EYS: variants seen among roughly 807,000 people sequenced by gnomAD.
EYS encodes the protein protein eyes shut homolog.
Under a neutral mutation model 282.1 loss-of-function variants are expected in EYS, and 250 were observed. The ratio of observed to expected loss-of-function variants is 0.89; its 90% confidence interval spans 0.80 to 0.98. The LOEUF is 0.98. Among genes scored for constraint, EYS ranks in the 50% least tolerant of loss-of-function variants. The probability of loss-of-function intolerance (pLI) is 0.00; values close to 1 mark genes in which losing one functional copy is unlikely to be tolerated. For missense variants in EYS, 4,016 were observed against 3,709.0 expected, an observed-to-expected ratio of 1.08 and a Z score of -2.15; for synonymous variants, 1,355 against 1,282.9, an observed-to-expected ratio of 1.06 and a Z score of -1.20.
At chr6:65,408,565 T>C (rs561735409) in intron 5 of EYS, among the ~76,000 whole-genome samples, 36 of 152,298 alleles carry the variant, frequency 2.4e-4, no homozygotes, top group Non-Finnish European at 4.9e-4. Flanking sequence ...CGGTCATTAA[T>C]GAGTCCTCAC....
intron 2 of EYS, among the ~76,000 whole-genome samples, chr6:65,526,792 C>G (rs566979786): frequency 6.6e-6 from 1 of 151,220 alleles, no homozygotes; most frequent in South Asian, 2.1e-4. Context: ...GGCGACAGAG[C>G]AAGACTCTGT....
chr6:64,661,966 A>C (rs1470190644), intron 22 of EYS, among the ~76,000 whole-genome samples: 1 of 151,692 alleles, frequency 6.6e-6, no homozygotes, highest in Non-Finnish European at 1.5e-5. Flanking sequence ...CACAATAGCA[A>C]AGACTTGGAA....
chr6:65,178,334 G>T (rs925021908), intron 12 of EYS, among the ~76,000 whole-genome samples: 1 of 151,862 alleles, frequency 6.6e-6, no homozygotes, highest in African/African-American at 2.4e-5. Context: ...ACTGTCTTGG[G>T]TAAATTCCTT....
At chr6:63,792,824 C>T (rs1419601431) in intron 37 of EYS, among the ~76,000 whole-genome samples, 2 of 152,032 alleles carry the variant, frequency 1.3e-5, no homozygotes, top group Admixed American at 1.3e-4. Flanking sequence ...TGGTTTAATG[C>T]TCTGTGTCAC....
chr6:63,967,527 A>G (rs922038500), intron 35 of EYS, among the ~76,000 whole-genome samples: 19 of 152,156 alleles, frequency 1.2e-4, no homozygotes, highest in African/African-American at 3.6e-4. Flanking sequence ...AGAGGAATTT[A>G]CTTCTCTCTG....
chr6:64,409,183 A>C (rs1376489551), intron 28 of EYS, among the ~76,000 whole-genome samples: 1 of 152,078 alleles, frequency 6.6e-6, no homozygotes, highest in African/African-American at 2.4e-5. Flanking sequence ...CACTTTCTTT[A>C]TCCAGTCCAC....
intron 35 of EYS, among the ~76,000 whole-genome samples, chr6:63,966,933 A>G (rs980429213): frequency 1.3e-5 from 2 of 152,198 alleles, no homozygotes; most frequent in Non-Finnish European, 2.9e-5. Flanking sequence ...GAGACTGTAG[A>G]CAGTACTAGG....
At chr6:65,574,494 T>C (rs1358493221) in intron 2 of EYS, among the ~76,000 whole-genome samples, 1 of 152,106 alleles carries the variant, frequency 6.6e-6, no homozygotes, top group African/African-American at 2.4e-5. Context: ...GTGTATCAGG[T>C]AAAATAAACT....
At chr6:64,382,911 G>C (rs568908276) in intron 29 of EYS, among the ~76,000 whole-genome samples, 13 of 152,100 alleles carry the variant, frequency 8.5e-5, no homozygotes, top group Non-Finnish European at 1.9e-4. Context: ...GGGAAAAGAG[G>C]TTTCCTTCTG....
rs533885457 is a variant in EYS at position 64,452,955 on chromosome 6, A to G, written c.5645-13603T>C. ...ATTCAGGACATAGGCATGGGCAAGG[A>G]CTTCATGTCTAAAACACCAAAAGCA... On this transcript the variant is annotated intron_variant, in intron 26 of 42. Coordinates refer to ENST00000503581, the MANE Select transcript of EYS (RefSeq NM_001142800.2). Among the ~76,000 whole-genome samples the G allele has an allele frequency of 2.6e-5, 4 of 152,358 alleles. No homozygotes were observed. The South Asian group carries it at 8.3e-4, about 32-fold the overall frequency.
At chr6:65,150,980 CTT>C (rs1244949992) in intron 12 of EYS, among the ~76,000 whole-genome samples, 2 of 151,930 alleles carry the variant, frequency 1.3e-5, no homozygotes, top group African/African-American at 4.8e-5. Flanking sequence ...CTAAGTGAAA[CTT>C]TGGCAGTATT....
intron 9 of EYS, among the ~76,000 whole-genome samples, chr6:65,348,795 A>G (rs1456092838): frequency 6.6e-6 from 1 of 151,688 alleles, no homozygotes; most frequent in East Asian, 1.9e-4. Flanking sequence ...GCCCAGTCCA[A>G]TATGCTGGAT....
intron 2 of EYS, among the ~76,000 whole-genome samples, chr6:65,500,976 A>C (rs1554203475): frequency 6.6e-6 from 1 of 151,982 alleles, no homozygotes; most frequent in Non-Finnish European, 1.5e-5. Context: ...CAAATGTATA[A>C]TTTTATAATG....
intron 2 of EYS, among the ~76,000 whole-genome samples, chr6:65,576,469 A>G (rs1764672072): frequency 1.3e-5 from 2 of 152,126 alleles, no homozygotes; most frequent in South Asian, 4.1e-4. Context: ...CATAGCTAAC[A>G]TTATACTAAA....
intron 8 of EYS, among the ~76,000 whole-genome samples, chr6:65,382,770 A>G (rs1210260529): frequency 1.3e-5 from 2 of 151,892 alleles, no homozygotes; most frequent in Non-Finnish European, 2.9e-5. Flanking sequence ...TGTCTAGCCT[A>G]TTTATGTTTT....
At chr6:63,877,644 T>C (rs1173383690) in intron 35 of EYS, among the ~76,000 whole-genome samples, 1 of 152,084 alleles carries the variant, frequency 6.6e-6, no homozygotes, top group East Asian at 1.9e-4. Context: ...CATAGCCCCA[T>C]ATTTCTTGGA....
At chr6:65,199,071 C>T (rs749608645) in intron 12 of EYS, among the ~76,000 whole-genome samples, 1 of 151,992 alleles carries the variant, frequency 6.6e-6, no homozygotes, top group African/African-American at 2.4e-5. Flanking sequence ...CCAGTAGTCC[C>T]GTCAAGTAAA....
At chr6:64,825,716 C>T (rs1251181846) in intron 19 of EYS, among the ~76,000 whole-genome samples, 1 of 151,698 alleles carries the variant, frequency 6.6e-6, no homozygotes, top group Non-Finnish European at 1.5e-5. Context: ...TCTGCTTTTT[C>T]CCACCTTCAA....
intron 2 of EYS, among the ~76,000 whole-genome samples, chr6:65,612,879 T>TA (rs1195216060): frequency 6.6e-6 from 1 of 151,844 alleles, no homozygotes; most frequent in Non-Finnish European, 1.5e-5. Flanking sequence ...TTGTTTTTTT[T>TA]ACTTATTTTA....
Sources: allele counts gnomAD v4.1 joint callset (sites outside exome capture counted in the v4.1 genomes callset), GRCh38; gene constraint gnomAD v4.1.1; transcripts MANE v1.5; gene names NCBI Gene and HGNC (gene_info 2026-07-23, HGNC 2026-07-21).